Variants in TAS2R1 observed in about 807,000 individuals in gnomAD.
The protein encoded by TAS2R1 is taste 2 receptor member 1.
For synonymous variants in TAS2R1, 141 were observed against 134.2 expected (o/e 1.05, Z -0.35); for missense variants, 370 against 353.4 (o/e 1.05, Z -0.38).
At chr5:9,655,962 C>G (rs895079334) in intron 2 of TAS2R1, among the ~76,000 whole-genome samples, 1 of 151,878 alleles carries the variant, frequency 6.6e-6, no homozygotes, top group Non-Finnish European at 1.5e-5. Flanking sequence ...AACTTGGACA[C>G]CACTTCTCAG....
At chr5:9,822,345 ATTTTT>A in the TAS2R1 span, among the ~76,000 whole-genome samples, 423 of 109,770 alleles carry the variant, frequency 3.9e-3, 2 homozygotes, top group African/African-American at 0.014. Flanking sequence ...TGCATGTGTA[ATTTTT>A]TTTTTTTTTT....
chr5:9,697,283 C>G (rs897269208), intron 1 of TAS2R1, among the ~76,000 whole-genome samples: 1 of 151,996 alleles, frequency 6.6e-6, no homozygotes. Context: ...ATTTTGTTCA[C>G]GTTCAAAATA....
the TAS2R1 span, among the ~76,000 whole-genome samples, chr5:9,749,390 T>C: frequency 2.0e-5 from 3 of 152,150 alleles, no homozygotes; most frequent in Non-Finnish European, 2.9e-5. Flanking sequence ...CTCCGAAAAA[T>C]TGACCATGGC....
the TAS2R1 span, among the ~76,000 whole-genome samples, chr5:9,790,276 C>A: frequency 6.6e-6 from 1 of 152,184 alleles, no homozygotes; most frequent in Non-Finnish European, 1.5e-5. Flanking sequence ...TTATACCCTG[C>A]CACTCTGTTT....
chr5:9,887,000 G>C, the TAS2R1 span, among the ~76,000 whole-genome samples: 1 of 152,044 alleles, frequency 6.6e-6, no homozygotes, highest in South Asian at 2.1e-4. Context: ...TTGTCTTTTG[G>C]TACAACATAT....
the TAS2R1 span, among the ~76,000 whole-genome samples, chr5:9,748,707 T>C: frequency 4.2e-3 from 637 of 152,302 alleles, 4 homozygotes; most frequent in African/African-American, 0.015. Flanking sequence ...AGGAAGGGCA[T>C]TAATCTATTC....
chr5:9,734,869 C>G, the TAS2R1 span, among the ~76,000 whole-genome samples: 1 of 151,368 alleles, frequency 6.6e-6, no homozygotes, highest in African/African-American at 2.5e-5. Flanking sequence ...CCTTGACTCA[C>G]CTGAATAGTG....
the TAS2R1 span, among the ~76,000 whole-genome samples, chr5:9,775,203 G>C: frequency 6.6e-6 from 1 of 152,150 alleles, no homozygotes; most frequent in Non-Finnish European, 1.5e-5. Context: ...CTCTCCCTGT[G>C]TCCACCGCCA....
chr5:9,734,560 A>G, the TAS2R1 span, among the ~76,000 whole-genome samples: 1 of 152,218 alleles, frequency 6.6e-6, no homozygotes, highest in African/African-American at 2.4e-5. Flanking sequence ...AATCTTTACA[A>G]AAGACAAAAA....
At chr5:9,845,833 A>G in the TAS2R1 span, among the ~76,000 whole-genome samples, 1 of 152,374 alleles carries the variant, frequency 6.6e-6, no homozygotes, top group African/African-American at 2.4e-5. Flanking sequence ...ACGATTATTG[A>G]TAATGTAGTC....
At chr5:9,809,287 G>A in the TAS2R1 span, among the ~76,000 whole-genome samples, 2 of 152,202 alleles carry the variant, frequency 1.3e-5, no homozygotes, top group African/African-American at 2.4e-5. Context: ...AGAAAGACAG[G>A]AATTTCAGAG....
At chr5:9,827,459 G>A in the TAS2R1 span, among the ~76,000 whole-genome samples, 2 of 152,060 alleles carry the variant, frequency 1.3e-5, no homozygotes, top group African/African-American at 4.8e-5. Flanking sequence ...AATTGGGCCA[G>A]GAACAGTGGC....
chr5:9,688,778 C>A (rs542990295), intron 1 of TAS2R1, among the ~76,000 whole-genome samples: 1 of 152,242 alleles, frequency 6.6e-6, no homozygotes, highest in African/African-American at 2.4e-5. Context: ...ATCTCGCACC[C>A]TCTCTAAAGC....
At chr5:9,863,938 C>T in the TAS2R1 span, among the ~76,000 whole-genome samples, 13 of 152,140 alleles carry the variant, frequency 8.5e-5, no homozygotes, top group Non-Finnish European at 2.9e-5. Context: ...AAGCAATTCT[C>T]CAATAACCAC....
intron 1 of TAS2R1, among the ~76,000 whole-genome samples, chr5:9,670,805 T>C (rs1261541827): frequency 6.6e-6 from 1 of 152,090 alleles, no homozygotes; most frequent in Non-Finnish European, 1.5e-5. Flanking sequence ...GCCAGCATCA[T>C]CCTGAAACCA....
chr5:9,892,819 CA>C, the TAS2R1 span, among the ~76,000 whole-genome samples: 1 of 151,796 alleles, frequency 6.6e-6, no homozygotes, highest in African/African-American at 2.4e-5. Flanking sequence ...TCAAAACAAA[CA>C]AAAAAACAAA....
the TAS2R1 span, among the ~76,000 whole-genome samples, chr5:9,752,436 C>T: frequency 1.3e-5 from 2 of 152,070 alleles, no homozygotes; most frequent in Non-Finnish European, 2.9e-5. Flanking sequence ...GTCTGATATC[C>T]CTCTTTCTCC....
At chr5:9,790,026 T>A in the TAS2R1 span, among the ~76,000 whole-genome samples, 1 of 152,240 alleles carries the variant, frequency 6.6e-6, no homozygotes, top group Non-Finnish European at 1.5e-5. Flanking sequence ...ACTCTGCTCA[T>A]GTTCTTTGCC....
At chr5:9,655,091 T>C (rs1740382351) in intron 2 of TAS2R1, among the ~76,000 whole-genome samples, 2 of 152,162 alleles carry the variant, frequency 1.3e-5, no homozygotes, top group Admixed American at 6.5e-5. Flanking sequence ...AGTTTTAGAA[T>C]AGGCCAAGTT....
Sources: allele counts gnomAD v4.1 joint callset (sites outside exome capture counted in the v4.1 genomes callset), GRCh38; gene constraint gnomAD v4.1.1; transcripts MANE v1.5; gene names NCBI Gene and HGNC (gene_info 2026-07-23, HGNC 2026-07-21).